Variants in PCSK1N observed in about 807,000 individuals in gnomAD.
The protein encoded by PCSK1N is proprotein convertase subtilisin/kexin type 1 inhibitor.
PCSK1N carries 8 observed loss-of-function variants against 10.6 expected under a neutral mutation model. The ratio of observed to expected loss-of-function variants is 0.76; its 90% confidence interval spans 0.44 to 1.37. PCSK1N has a LOEUF of 1.37. PCSK1N is among the 40% of genes most tolerant of loss of function. The pLI, the probability that PCSK1N is intolerant of heterozygous loss-of-function variation, is 0.00. For synonymous variants in PCSK1N, 143 were observed against 137.1 expected, an observed-to-expected ratio of 1.04 and a Z score of -0.30; for missense variants, 301 against 268.5, an observed-to-expected ratio of 1.12 and a Z score of -0.84.
In PCSK1N at chrX:48,832,220, A is replaced by AGCGCCC; in HGVS notation, c.230_235dup (p.Arg77_Ala78dup). 1.7e-6 allele frequency: 2 copies of AGCGCCC among 1,155,387 alleles called. No homozygotes were observed. The highest frequency in any genetic ancestry group is 2.3e-6 in the Non-Finnish European group (2 of 872,750). On this transcript the variant is annotated inframe_insertion, in exon 2 of 3. Transcript: ENST00000218230. ...ACGTTCGGCCTCCAGCAGATGCGCC[A>AGCGCCC]GCGCCCGCGCCAGCTCCTGCACCGC...
chrX:48,831,923 G>A lies in PCSK1N; in HGVS notation c.533C>T (p.Pro178Leu). ...PPVYDDGPAG[P>L]DAEEAGDETP... ...CTCGTCGCCTGCCTCCTCAGCATCC[G>A]GGCCCGCGGGGCCGTCGTCGTAGAC... The change falls in exon 2 of 3, where the codon CCG (proline) becomes CTG (leucine). Residue 178 changes from proline to leucine, a missense_variant. Transcript: ENST00000218230. 4.6e-6 allele frequency: 5 copies of A among 1,081,806 alleles called. No homozygotes were observed. Among genetic ancestry groups the A allele is most frequent in the Non-Finnish European group, 6.0e-6 (5 of 839,345 alleles). The allele number at this position is 1,081,806 out of a possible 1,213,427, so 89.2% of individuals were successfully genotyped here. A position where few individuals can be genotyped will look rare whatever the true frequency, so the allele number is the denominator to read the frequency against.
Position 48,831,880 on chromosome X carries a change from G to C in PCSK1N, c.576C>G (p.Pro192=). 9.3e-7 allele frequency: 1 copy of C among 1,079,011 alleles called. No individual in the cohort carries two copies. The highest frequency in any genetic ancestry group is 3.6e-5 in the Admixed American group (1 of 27,588). The allele number at this position is 1,079,011 out of a possible 1,213,427, so 88.9% of individuals were successfully genotyped here. The change falls in exon 2 of 3, where the codon CCC becomes CCG. Residue 192 remains proline (P), a synonymous_variant. Coordinates refer to ENST00000218230, the MANE Select transcript of PCSK1N (RefSeq NM_013271.5). ...CCCCTGCCGGGCACCTCAACAGCTC[G>C]GGGTCCACGTCGGGTGTCTCGTCGC... ...EAGDETPDVD[P]ELLRYLLGRI... is the part of the protein sequence containing the mutation.
At chrX:48,834,158 T>C (rs1006489023) in intron 1 of PCSK1N, among the ~76,000 whole-genome samples, 13 of 111,770 alleles carry the variant, frequency 1.2e-4, no homozygotes, top group African/African-American at 3.6e-4. Context: ...GGGGCTGCCA[T>C]GGCGAGGGGC....
intron 1 of PCSK1N, among the ~76,000 whole-genome samples, chrX:48,834,161 C>T (rs1297864365): frequency 9.0e-6 from 1 of 111,515 alleles, no homozygotes; most frequent in Non-Finnish European, 1.9e-5. Flanking sequence ...GCTGCCATGG[C>T]GAGGGGCACG....
intron 1 of PCSK1N, among the ~76,000 whole-genome samples, chrX:48,833,149 A>T (rs782785072): frequency 3.6e-5 from 4 of 112,619 alleles, no homozygotes; most frequent in African/African-American, 1.3e-4. Flanking sequence ...AGGCCAAGGC[A>T]GGAAGATCGC....
At position 48,835,603 on chromosome X, in the gene PCSK1N, G is replaced by T. The variant is rs2063184669; in HGVS notation, c.-71C>A. On this transcript the variant is annotated 5_prime_UTR_variant, in exon 1 of 3. Coordinates refer to ENST00000218230, the MANE Select transcript of PCSK1N (RefSeq NM_013271.5). ...GTGCGCAGTGCCGGGGCGAGCTGGC[G>T]AGGCTGCGGCGCTCTGCGGCTGCGC... is the stretch of plus-strand genomic sequence containing the variant. 4 of 416,370 alleles carry T rather than the reference G, an allele frequency of 9.6e-6. No homozygotes were observed. The highest frequency in any genetic ancestry group is 1.4e-5 in the Non-Finnish European group (4 of 291,834). The allele number at this position is 416,370 out of a possible 1,213,427, so 34.3% of individuals were successfully genotyped here.
Position 48,835,601 on chromosome X carries a change from G to A in PCSK1N, c.-69C>T. 2.3e-6 allele frequency: 1 copy of A among 430,359 alleles called. No homozygotes were observed. The highest frequency in any genetic ancestry group is 3.3e-6 in the Non-Finnish European group (1 of 303,703). 35.5% of individuals were successfully genotyped at this position (430,359 alleles called of 1,213,427 possible). On this transcript the variant is annotated 5_prime_UTR_variant, in exon 1 of 3. Transcript: ENST00000218230. Reference sequence around the variant, plus strand: ...AAGTGCGCAGTGCCGGGGCGAGCTGGCGAGGCTGCGGCGCTCTGCGGCTGC... The same window carrying A: ...AAGTGCGCAGTGCCGGGGCGAGCTGACGAGGCTGCGGCGCTCTGCGGCTGC...
At chrX:48,832,546 A>G (rs1204608184) in intron 1 of PCSK1N, among the ~76,000 whole-genome samples, 1 of 61,933 alleles carries the variant, frequency 1.6e-5, no homozygotes, top group Admixed American at 2.0e-4. Context: ...ATCCCCAGAC[A>G]CCCCCCACCC....
intron 1 of PCSK1N, among the ~76,000 whole-genome samples, chrX:48,834,304 GTTTT>G (rs1197217920): frequency 3.6e-5 from 4 of 111,053 alleles, no homozygotes; most frequent in Non-Finnish European, 7.6e-5. Context: ...TAAGGTAACA[GTTTT>G]TTTTAATTCC....
At chrX:48,833,044 A>C (rs1480150174) in intron 1 of PCSK1N, among the ~76,000 whole-genome samples, 1 of 112,183 alleles carries the variant, frequency 8.9e-6, no homozygotes, top group African/African-American at 3.2e-5. Flanking sequence ...AAATAGAAAA[A>C]ATACATGATC....
In PCSK1N at chrX:48,832,311, G is replaced by A; in HGVS notation, c.145C>T (p.Pro49Ser). ...EPRGLSAASP[P>S]LAETGAPRRF... ...CGAGGAGCGCCAGTCTCAGCCAAGGGCGGAGACGCTGCGCTTAGGCCGCGG... is the reference window on the plus strand; with the variant it reads ...CGAGGAGCGCCAGTCTCAGCCAAGGACGGAGACGCTGCGCTTAGGCCGCGG... The change falls in exon 2 of 3, where the codon CCC becomes TCC. Residue 49 changes from proline to serine, a missense_variant. By Grantham distance (74) the Pro-to-Ser change is moderately conservative. Transcript: ENST00000218230. The A allele has an allele frequency of 8.8e-7, 1 of 1,139,654 alleles. No individual in the cohort carries two copies. The highest frequency in any genetic ancestry group is 3.5e-5 in the East Asian group (1 of 28,948). 93.9% of individuals were successfully genotyped at this position (1,139,654 alleles called of 1,213,427 possible). A position where few individuals can be genotyped will look rare whatever the true frequency, so the allele number is the denominator to read the frequency against.
At chrX:48,833,083 A>G (rs782323203) in intron 1 of PCSK1N, among the ~76,000 whole-genome samples, 14 of 112,535 alleles carry the variant, frequency 1.2e-4, no homozygotes, top group Non-Finnish European at 2.6e-4. Flanking sequence ...ATTACTAAAC[A>G]TATGAAAAAT....
chrX:48,834,348 T>C (rs1411910346), intron 1 of PCSK1N, among the ~76,000 whole-genome samples: 1 of 111,168 alleles, frequency 9.0e-6, no homozygotes, highest in Non-Finnish European at 1.9e-5. Flanking sequence ...ATTGAAGAGC[T>C]AGAGGAGGAT....
chrX:48,834,382 C>A (rs1002985240), intron 1 of PCSK1N: 1 of 125,856 alleles, frequency 7.9e-6, no homozygotes, highest in Non-Finnish European at 1.5e-5. Context: ...CCCTTGCTGG[C>A]GCCCACCACT....
chrX:48,831,984 G>C lies in PCSK1N; in HGVS notation c.472C>G (p.Pro158Ala), dbSNP rs1186299755. 9.3e-7 allele frequency: 1 copy of C among 1,074,331 alleles called. No homozygotes were observed. Among genetic ancestry groups the C allele is most frequent in the Non-Finnish European group, 1.2e-6 (1 of 836,550 alleles). The allele number at this position is 1,074,331 out of a possible 1,213,427, so 88.5% of individuals were successfully genotyped here. A position where few individuals can be genotyped will look rare whatever the true frequency, so the allele number is the denominator to read the frequency against. The change falls in exon 2 of 3, where the codon CCC becomes GCC. Residue 158 changes from proline (P) to alanine (A), a missense_variant. Physicochemically the swap from Pro to Ala is conservative, Grantham distance 27. Coordinates refer to ENST00000218230, the MANE Select transcript of PCSK1N (RefSeq NM_013271.5). The stretch of plus-strand genomic sequence containing the variant: ...GGTCGGAGCGCCGCGGCGGGGACGG[G>C]CGCGGGGACAAGCTGGGCTGCTAGG... ...AALAAQLVPAPVPAAALRPRP... is the reference protein window; with the variant it reads ...AALAAQLVPAAVPAAALRPRP...
chrX:48,833,769 C>A (rs981930309), intron 1 of PCSK1N, among the ~76,000 whole-genome samples: 1 of 111,315 alleles, frequency 9.0e-6, no homozygotes, highest in African/African-American at 3.3e-5. Context: ...TGTCCACTGA[C>A]AAATTGAGAA....
At chrX:48,835,337 G>T in intron 1 of PCSK1N, 82 bp downstream of exon 1, 1 of 424,397 alleles carries the variant, frequency 2.4e-6, no homozygotes, top group Non-Finnish European at 3.4e-6. Context: ...TCGGGCGGGG[G>T]TGAGGCGGCG....
At chrX:48,834,544 T>G in intron 1 of PCSK1N, 1 of 749,162 alleles carries the variant, frequency 1.3e-6, no homozygotes, top group Non-Finnish European at 1.6e-6. Flanking sequence ...CAGCTGCTCC[T>G]GCAGTTACAA....
intron 1 of PCSK1N, among the ~76,000 whole-genome samples, chrX:48,833,684 G>A (rs1302126137): frequency 4.5e-5 from 5 of 111,814 alleles, no homozygotes; most frequent in East Asian, 2.8e-4. Flanking sequence ...TCACAAGTTC[G>A]TGAAAGATGA....
Sources: allele counts gnomAD v4.1 joint callset (sites outside exome capture counted in the v4.1 genomes callset), GRCh38; gene constraint gnomAD v4.1.1; transcripts MANE v1.5; gene names NCBI Gene and HGNC (gene_info 2026-07-23, HGNC 2026-07-21).